SLIT3: variants seen among roughly 807,000 people sequenced by gnomAD.
SLIT3 encodes the protein slit homolog 3 protein.
In SLIT3, 68 loss-of-function variants were observed where a neutral mutation model predicts 184.0. That is an observed-to-expected ratio of 0.37 (90% CI 0.30 to 0.45). The LOEUF is 0.45. Among genes scored for constraint, SLIT3 ranks in the 20% least tolerant of loss-of-function variants. SLIT3 has a pLI of 1.00. For synonymous variants in SLIT3, 831 were observed against 828.6 expected (o/e 1.00, Z -0.05); for missense variants, 1,707 against 2,026.0 (o/e 0.84, Z 3.02).
intron 6 of SLIT3, among the ~76,000 whole-genome samples, chr5:168,838,583 C>T (rs781168659): frequency 2.0e-5 from 3 of 152,174 alleles, no homozygotes; most frequent in African/African-American, 7.2e-5. Context: ...CAACACACTG[C>T]GACTTGCATT....
At chr5:168,868,453 T>C (rs1192142391) in intron 5 of SLIT3, among the ~76,000 whole-genome samples, 1 of 152,158 alleles carries the variant, frequency 6.6e-6, no homozygotes, top group Non-Finnish European at 1.5e-5. Flanking sequence ...ACTTTCACGT[T>C]AAAAATTATG....
intron 23 of SLIT3, among the ~76,000 whole-genome samples, chr5:168,714,977 C>A (rs1289822251): frequency 6.6e-6 from 1 of 152,222 alleles, no homozygotes; most frequent in Non-Finnish European, 1.5e-5. Flanking sequence ...GCTGCGCGAA[C>A]CTTGGGTCTC....
At chr5:168,921,142 T>C (rs1021219055) in intron 4 of SLIT3, among the ~76,000 whole-genome samples, 3 of 152,202 alleles carry the variant, frequency 2.0e-5, no homozygotes, top group African/African-American at 4.8e-5. Flanking sequence ...AGGAAAATGA[T>C]AGAAAACTTC....
intron 6 of SLIT3, among the ~76,000 whole-genome samples, chr5:168,829,102 T>C (rs1365017223): frequency 6.6e-6 from 1 of 152,164 alleles, no homozygotes; most frequent in Non-Finnish European, 1.5e-5. Flanking sequence ...TCCCTCAAGA[T>C]AGCCATCTTT....
chr5:168,782,699 A>G (rs1288591640), intron 12 of SLIT3, among the ~76,000 whole-genome samples: 1 of 152,130 alleles, frequency 6.6e-6, no homozygotes, highest in African/African-American at 2.4e-5. Flanking sequence ...GGGTTCTGAG[A>G]TGCCTCCATG....
At chr5:168,972,953 T>G (rs1754630350) in intron 4 of SLIT3, among the ~76,000 whole-genome samples, 1 of 152,204 alleles carries the variant, frequency 6.6e-6, no homozygotes. Flanking sequence ...AGGTGTAAGT[T>G]CCTGGTAAAA....
chr5:169,061,182 C>T lies in SLIT3; in HGVS notation c.413+132297G>A, dbSNP rs73314003. On this transcript the variant is annotated intron_variant, in intron 4 of 35. Coordinates refer to ENST00000519560, the MANE Select transcript of SLIT3 (RefSeq NM_003062.4). ...TTTCCCATGAATGTTTTCTTCCTGGCTGACTTAGAGGGATTTTCAACTTAG... is the reference window on the plus strand; with the variant it reads ...TTTCCCATGAATGTTTTCTTCCTGGTTGACTTAGAGGGATTTTCAACTTAG... 2.7e-3 allele frequency among the ~76,000 whole-genome samples: 407 copies of T among 152,330 alleles called. 3 individuals are homozygous for T. The highest frequency in any genetic ancestry group is 8.9e-3 in the African/African-American group (371 of 41,572).
At chr5:168,992,911 A>G (rs1755380192) in intron 4 of SLIT3, 1 of 152,180 alleles carries the variant, frequency 6.6e-6, no homozygotes, top group South Asian at 2.1e-4. Flanking sequence ...AGAAAATGCC[A>G]GTGGGTGTTA....
At chr5:168,793,379 A>G (rs1756452647) in intron 10 of SLIT3, among the ~76,000 whole-genome samples, 1 of 152,176 alleles carries the variant, frequency 6.6e-6, no homozygotes, top group Non-Finnish European at 1.5e-5. Flanking sequence ...TTTGAAATCC[A>G]TTCTCACCAG....
At chr5:168,803,059 A>T (rs756423371) in intron 9 of SLIT3, among the ~76,000 whole-genome samples, 1 of 152,196 alleles carries the variant, frequency 6.6e-6, no homozygotes, top group Non-Finnish European at 1.5e-5. Context: ...AGCTAGGATG[A>T]TCATTCTCAG....
intron 1 of SLIT3, among the ~76,000 whole-genome samples, chr5:169,281,876 C>CG (rs1234868131): frequency 7.5e-5 from 1 of 13,406 alleles, no homozygotes; most frequent in Non-Finnish European, 2.4e-4. Context: ...AGGTAATTTT[C>CG]CCCCCCAGGG....
At chr5:168,870,186 C>T (rs74863661) in intron 5 of SLIT3, among the ~76,000 whole-genome samples, 14,314 of 152,300 alleles carry the variant, frequency 0.094, 847 homozygotes, top group Non-Finnish European at 0.13. Flanking sequence ...ATTCATCTAG[C>T]AAATATTTTT....
chr5:169,161,621 G>A (rs574422478), intron 4 of SLIT3, among the ~76,000 whole-genome samples: 4 of 151,098 alleles, frequency 2.6e-5, no homozygotes, highest in Non-Finnish European at 5.9e-5. Flanking sequence ...GGCCAACCAT[G>A]TGGTTTCAAA....
chr5:168,808,268 T>C (rs1200391751), intron 8 of SLIT3, among the ~76,000 whole-genome samples: 6 of 152,084 alleles, frequency 3.9e-5, no homozygotes, highest in African/African-American at 1.4e-4. Context: ...AAAGCCTTTA[T>C]ACTTCTGAGA....
chr5:169,054,632 G>T (rs1757926707), intron 4 of SLIT3, among the ~76,000 whole-genome samples: 2 of 152,078 alleles, frequency 1.3e-5, no homozygotes, highest in Non-Finnish European at 2.9e-5. Context: ...TCAAAGTAAA[G>T]TCCAAGCTCC....
At chr5:168,999,624 C>T (rs2113414658) in intron 4 of SLIT3, among the ~76,000 whole-genome samples, 1 of 152,326 alleles carries the variant, frequency 6.6e-6, no homozygotes, top group South Asian at 2.1e-4. Context: ...CTAGTGCTGC[C>T]TCCCACAAAC....
intron 4 of SLIT3, among the ~76,000 whole-genome samples, chr5:169,051,241 CTA>C (rs1448848085): frequency 6.6e-6 from 1 of 151,460 alleles, no homozygotes; most frequent in Non-Finnish European, 1.5e-5. Flanking sequence ...TGAATTAACT[CTA>C]GTTTGGTTCA....
intron 29 of SLIT3, among the ~76,000 whole-genome samples, chr5:168,690,138 C>CT (rs1341234574): frequency 0.017 from 2,409 of 138,122 alleles, 49 homozygotes; most frequent in African/African-American, 0.049. Flanking sequence ...TGTTTTCTTT[C>CT]TTTTTTTTTT....
intron 4 of SLIT3, among the ~76,000 whole-genome samples, chr5:168,932,256 G>C: frequency 7.6e-6 from 1 of 131,002 alleles, no homozygotes; most frequent in Non-Finnish European, 1.6e-5. Flanking sequence ...TGTTGTTGTT[G>C]TGTTTTTTTT....
Sources: allele counts gnomAD v4.1 joint callset (sites outside exome capture counted in the v4.1 genomes callset), GRCh38; gene constraint gnomAD v4.1.1; transcripts MANE v1.5; gene names NCBI Gene and HGNC (gene_info 2026-07-23, HGNC 2026-07-21).